ATOSB: variants seen among roughly 807,000 people sequenced by gnomAD.
The protein encoded by ATOSB is atos homolog B, also known as atos homolog protein B.
the ATOSB span, chr9:35,105,639 G>C: frequency 6.3e-7 from 1 of 1,594,784 alleles, no homozygotes; most frequent in South Asian, 1.1e-5. This position sits in a 1 kb window ranked among gnomAD's most constrained non-coding sequence, Gnocchi z 5.5. Flanking sequence ...TTCAGGGAGG[G>C]GATACCTGGG....
the ATOSB span, chr9:35,109,622 GCT>G: frequency 6.6e-6 from 1 of 152,190 alleles, no homozygotes; most frequent in Non-Finnish European, 1.5e-5. Context: ...CATTCACGGT[GCT>G]CTTTCCCCTT....
chr9:35,111,934 G>A, the ATOSB span, among the ~76,000 whole-genome samples: 1 of 152,154 alleles, frequency 6.6e-6, no homozygotes, highest in East Asian at 1.9e-4. Context: ...CTTCCAGGAC[G>A]GTTAATAGGA....
chr9:35,114,044 C>A, the ATOSB span, among the ~76,000 whole-genome samples: 1 of 152,210 alleles, frequency 6.6e-6, no homozygotes, highest in East Asian at 1.9e-4. Context: ...TGCTGAGGGC[C>A]TCTGCAGCTC....
chr9:35,105,911 C>T, the ATOSB span: 1 of 1,613,800 alleles, frequency 6.2e-7, no homozygotes, highest in African/African-American at 1.3e-5. This position sits in a 1 kb window ranked among gnomAD's most constrained non-coding sequence, Gnocchi z 5.5. Flanking sequence ...TTCCTCTCTC[C>T]CCACTCCCAC....
the ATOSB span, chr9:35,106,875 C>A: frequency 6.4e-7 from 1 of 1,571,454 alleles, no homozygotes; most frequent in Middle Eastern, 1.7e-4. The surrounding 1 kb of genome is among the most constrained non-coding windows in gnomAD (Gnocchi z 4.6). Context: ...CCCCATGGGA[C>A]CGCAGTCTGT....
the ATOSB span, chr9:35,107,408 C>A: frequency 6.2e-7 from 1 of 1,613,350 alleles, no homozygotes; most frequent in Admixed American, 1.7e-5. Flanking sequence ...GCCCAGGCAG[C>A]AGGTGGCTCC....
the ATOSB span, chr9:35,106,033 T>C: frequency 6.2e-7 from 1 of 1,607,902 alleles, no homozygotes; most frequent in Non-Finnish European, 8.5e-7. The surrounding 1 kb of genome is among the most constrained non-coding windows in gnomAD (Gnocchi z 4.6). Flanking sequence ...GAGCCATCAG[T>C]CAAGGTGGGG....
At chr9:35,108,263 C>T in the ATOSB span, 1 of 1,551,184 alleles carries the variant, frequency 6.4e-7, no homozygotes, top group Non-Finnish European at 8.7e-7. Context: ...GCTCCGCCTG[C>T]ACGTGGCGCA....
the ATOSB span, chr9:35,110,754 G>A: frequency 6.6e-6 from 1 of 152,448 alleles, no homozygotes; most frequent in South Asian, 2.1e-4. Flanking sequence ...ACACTTTTGA[G>A]GCCTGGGAGG....
chr9:35,106,021 G>C, the ATOSB span: 2 of 1,611,712 alleles, frequency 1.2e-6, no homozygotes, highest in Non-Finnish European at 1.7e-6. The surrounding 1 kb of genome is among the most constrained non-coding windows in gnomAD (Gnocchi z 4.6). Context: ...TGGAAGGCCA[G>C]GGAGCCATCA....
the ATOSB span, among the ~76,000 whole-genome samples, chr9:35,115,059 G>T: frequency 6.6e-6 from 1 of 151,934 alleles, no homozygotes; most frequent in Non-Finnish European, 1.5e-5. Flanking sequence ...GGAGGGGGGA[G>T]ACAGAGACCA....
the ATOSB span, chr9:35,107,882 A>T: frequency 6.3e-7 from 1 of 1,593,766 alleles, no homozygotes; most frequent in Non-Finnish European, 8.5e-7. Flanking sequence ...ATGAGGTGAC[A>T]CTACTTCTCT....
the ATOSB span, chr9:35,110,530 T>C: frequency 1.3e-5 from 2 of 152,392 alleles, no homozygotes; most frequent in African/African-American, 4.8e-5. Context: ...AGTCTGGCTC[T>C]AGACCATGGC....
At chr9:35,106,521 AC>A in the ATOSB span, 2 of 1,586,350 alleles carry the variant, frequency 1.3e-6, no homozygotes, top group Non-Finnish European at 1.7e-6. This position sits in a 1 kb window ranked among gnomAD's most constrained non-coding sequence, Gnocchi z 4.6. Context: ...GCAATCACAA[AC>A]CCCAACGGGA....
At chr9:35,107,343 A>AT in the ATOSB span, 2 of 1,531,280 alleles carry the variant, frequency 1.3e-6, no homozygotes, top group Non-Finnish European at 1.7e-6. Context: ...AAAAAAAAAA[A>AT]GTAAAAAAAG....
the ATOSB span, chr9:35,108,818 A>G: frequency 3.2e-6 from 1 of 311,310 alleles, no homozygotes; most frequent in Admixed American, 6.5e-5. Flanking sequence ...CTAATAGTAC[A>G]CTCCAGGACA....
the ATOSB span, among the ~76,000 whole-genome samples, chr9:35,115,326 C>G: frequency 6.6e-6 from 1 of 152,050 alleles, no homozygotes. Flanking sequence ...CCCACTAACC[C>G]CAACACCCTT....
At chr9:35,114,338 T>C in the ATOSB span, among the ~76,000 whole-genome samples, 5 of 152,126 alleles carry the variant, frequency 3.3e-5, no homozygotes, top group African/African-American at 9.7e-5. Context: ...TGCCCTTTTT[T>C]ACCCCACCCT....
the ATOSB span, chr9:35,108,529 AG>A: frequency 5.7e-6 from 7 of 1,227,390 alleles, no homozygotes; most frequent in Non-Finnish European, 7.3e-6. Flanking sequence ...AACTCCTGAG[AG>A]GGTGACAGGT....
Sources: allele counts gnomAD v4.1 joint callset (sites outside exome capture counted in the v4.1 genomes callset), GRCh38; gene constraint gnomAD v4.1.1; non-coding constraint Gnocchi (gnomAD v3.1); transcripts MANE v1.5; gene names NCBI Gene and HGNC (gene_info 2026-07-23, HGNC 2026-07-21).